Variants in NCKAP1L observed in about 807,000 individuals in gnomAD.
NCKAP1L encodes nck-associated protein 1-like.
Under a neutral mutation model 139.2 loss-of-function variants are expected in NCKAP1L, and 53 were observed. The ratio of observed to expected loss-of-function variants is 0.38; its 90% CI spans 0.31 to 0.48. The LOEUF is 0.48. Among genes scored for constraint, NCKAP1L ranks in the 20% least tolerant of loss-of-function variants. NCKAP1L has a pLI of 0.98. For missense variants in NCKAP1L, 1,151 were observed against 1,381.9 expected (o/e 0.83, Z 2.65); for synonymous variants, 468 against 499.7 (o/e 0.94, Z 0.85).
At position 54,516,930 on chromosome 12, in the gene NCKAP1L, C is replaced by T. The variant is rs756444750; in HGVS notation, c.1033C>T (p.Arg345Trp). The T allele has an allele frequency of 5.6e-6, 9 of 1,611,996 alleles. No homozygotes were observed. The highest frequency in any genetic ancestry group is 2.2e-5 in the East Asian group (1 of 44,742). The change falls in exon 11 of 31, where the codon CGG becomes TGG. Residue 345 changes from arginine to tryptophan, a missense_variant. Transcript: ENST00000293373. The stretch of plus-strand genomic sequence containing the variant: ...TCATTGTCAACGGCGGCAATTTCTG[C>T]GGATGGCAGTGAAGGAGCTGGAGAC... The part of the protein sequence containing the change: ...QFHCQRRQFL[R>W]MAVKELETVL...
At chr12:54,509,589 T>A in intron 5 of NCKAP1L, 80 bp from the exon 6 acceptor site, 1 of 977,498 alleles carries the variant, frequency 1.0e-6, no homozygotes, top group Non-Finnish European at 1.6e-6. Context: ...TATGCACATA[T>A]CTTTATCCTA....
At chr12:54,518,617 G>C in intron 13 of NCKAP1L, 34 bp from the exon 14 acceptor site, 1 of 1,553,462 alleles carries the variant, frequency 6.4e-7, no homozygotes, top group Non-Finnish European at 8.9e-7. Context: ...GGGAACCTGT[G>C]CCCACTTGAC....
intron 9 of NCKAP1L, among the ~76,000 whole-genome samples, chr12:54,514,390 T>C (rs1956913998): frequency 6.6e-6 from 1 of 152,082 alleles, no homozygotes; most frequent in South Asian, 2.1e-4. Flanking sequence ...GGTGCCATCT[T>C]GGTTCACTGT....
chr12:54,508,108 G>A (rs1956857669), intron 4 of NCKAP1L, among the ~76,000 whole-genome samples, 199 bp downstream of exon 4: 1 of 152,142 alleles, frequency 6.6e-6, no homozygotes, highest in Non-Finnish European at 1.5e-5. Context: ...AAGCAGATCA[G>A]CAATGTGATT....
At chr12:54,538,645 C>T (rs571530532) in intron 29 of NCKAP1L, among the ~76,000 whole-genome samples, 17 of 152,298 alleles carry the variant, frequency 1.1e-4, no homozygotes, top group African/African-American at 4.1e-4. Flanking sequence ...CTTGCAATCT[C>T]TCCCCTAGCA....
chr12:54,517,910 A>T lies in NCKAP1L; in HGVS notation c.1310A>T (p.Asp437Val), dbSNP rs1176369510. Residue 437 changes from aspartate (D) to valine (V), a missense_variant, in exon 13 of 31, where the codon GAT (aspartate) becomes GTT (valine). Transcript: ENST00000293373. Reference protein sequence around the residue: ...QYHLQYLARFDALVLSDIIQN... With the variant: ...QYHLQYLARFVALVLSDIIQN... ...CACCTTCAGTACTTGGCAAGATTTG[A>T]TGCTCTTGTGCTCAGTGACATCATT... The T allele has an allele frequency of 6.2e-7, 1 of 1,614,048 alleles. No homozygotes were observed. The highest frequency in any genetic ancestry group is 8.5e-7 in the Non-Finnish European group (1 of 1,180,038).
Position 54,543,031 on chromosome 12 carries a change from A to G in NCKAP1L, c.*346A>G, listed in dbSNP as rs1261134226. The G allele has an allele frequency of 9.3e-6, 2 of 214,494 alleles. No individual in the cohort carries two copies. Among genetic ancestry groups the G allele is most frequent in the Non-Finnish European group, 1.9e-5 (2 of 107,188 alleles). 13.3% of individuals were successfully genotyped at this position (214,494 alleles called of 1,614,324 possible). A position where few individuals can be genotyped will look rare whatever the true frequency, so the allele number is the denominator to read the frequency against. ...ACAGGCATGGGCCTCTCCGACCTTC[A>G]TCACTATTCTTAGGATAATGCTGGC... is the stretch of plus-strand genomic sequence containing the variant. On this transcript the variant is annotated 3_prime_UTR_variant, in exon 31 of 31. Coordinates refer to ENST00000293373, the MANE Select transcript of NCKAP1L (RefSeq NM_005337.5).
At chr12:54,521,363 C>T (rs576924712) in intron 18 of NCKAP1L, 125 bp downstream of exon 18, 44 of 1,310,742 alleles carry the variant, frequency 3.4e-5, no homozygotes, top group South Asian at 5.6e-5. Context: ...AGGGCTAGGG[C>T]CTTTCTGTAC....
Position 54,509,999 on chromosome 12 carries a change from T to G in NCKAP1L, c.735+14T>G, listed in dbSNP as rs1956874764. 1 of 1,613,698 alleles carries G rather than the reference T, an allele frequency of 6.2e-7. No homozygotes were observed. The highest frequency in any genetic ancestry group is 1.3e-5 in the African/African-American group (1 of 75,032). ...AATTCAGATACAGTGAGTGCCCTTT[T>G]CCTTTTGTTAGTGGAAGCATTCTCT... is the stretch of plus-strand genomic sequence containing the variant. On this transcript the variant is annotated intron_variant, in intron 7 of 30. Coordinates refer to ENST00000293373, the MANE Select transcript of NCKAP1L (RefSeq NM_005337.5).
At chr12:54,528,684 G>A (rs1383644076) in intron 22 of NCKAP1L, among the ~76,000 whole-genome samples, 4 of 151,262 alleles carry the variant, frequency 2.6e-5, no homozygotes, top group Admixed American at 1.3e-4. Flanking sequence ...GGAGTGCAGC[G>A]GCACTATCTT....
chr12:54,537,412 A>G (rs980672205), intron 29 of NCKAP1L, among the ~76,000 whole-genome samples: 1 of 152,216 alleles, frequency 6.6e-6, no homozygotes, highest in Non-Finnish European at 1.5e-5. Context: ...CCATGAATTC[A>G]GATTAAACCG....
At chr12:54,533,205 C>A (rs1368813744) in intron 26 of NCKAP1L, among the ~76,000 whole-genome samples, 1 of 152,126 alleles carries the variant, frequency 6.6e-6, no homozygotes, top group African/African-American at 2.4e-5. Flanking sequence ...TGATGTTGGT[C>A]CAAATGCTCT....
At chr12:54,531,891 A>G in intron 25 of NCKAP1L, 66 bp downstream of exon 25, 1 of 1,328,206 alleles carries the variant, frequency 7.5e-7, no homozygotes, top group Non-Finnish European at 1.1e-6. Context: ...TTTGTATGAT[A>G]ATTTGTGGAA....
intron 17 of NCKAP1L, 23 bp downstream of exon 17, chr12:54,520,849 C>G: frequency 3.1e-6 from 5 of 1,613,768 alleles, no homozygotes; most frequent in Non-Finnish European, 4.2e-6. Context: ...ATCTCCAGAC[C>G]CTGTCATCTT....
At position 54,497,848 on chromosome 12, in the gene NCKAP1L, A is replaced by G. The variant is rs777921025; in HGVS notation, c.59A>G (p.Asp20Gly). The G allele has an allele frequency of 1.9e-6, 3 of 1,613,616 alleles. No homozygotes were observed. The highest frequency in any genetic ancestry group is 3.3e-5 in the Admixed American group (2 of 60,010). ...GCAGAGAAGCTCACTATCCTGAATG[A>G]TCGCGGTCAGGGGGTTCTCATCCGT... ...KLAEKLTILN[D>G]RGQGVLIRMY... is the part of the protein sequence containing the mutation. The change falls in exon 1 of 31, where the codon GAT (aspartate) becomes GGT (glycine). Residue 20 changes from aspartate (D) to glycine (G), a missense_variant. Transcript: ENST00000293373.
At chr12:54,520,226 A>G (rs1956970618) in intron 16 of NCKAP1L, among the ~76,000 whole-genome samples, 2 of 152,246 alleles carry the variant, frequency 1.3e-5, no homozygotes, top group South Asian at 2.1e-4. Flanking sequence ...AAGAAAGTGT[A>G]AAAGAGTACA....
intron 28 of NCKAP1L, 114 bp from the exon 29 acceptor site, chr12:54,536,830 A>G (rs1360703767): frequency 1.5e-6 from 1 of 667,390 alleles, no homozygotes; most frequent in East Asian, 2.7e-5. Flanking sequence ...TTTTGGTGTC[A>G]AATACTGGTG....
At chr12:54,517,059 C>G in intron 11 of NCKAP1L, 67 bp downstream of exon 11, 1 of 1,360,158 alleles carries the variant, frequency 7.4e-7, no homozygotes, top group Non-Finnish European at 1.0e-6. Flanking sequence ...CTACGTGGCA[C>G]TCACGAGATT....
At chr12:54,523,802 T>C in intron 19 of NCKAP1L, 23 bp from the exon 20 acceptor site, 4 of 1,607,832 alleles carry the variant, frequency 2.5e-6, no homozygotes, top group Non-Finnish European at 3.4e-6. Context: ...AGACCTGTAA[T>C]CCAGGCTCAT....
Sources: gnomAD v4.1 joint callset for allele counts (sites outside exome capture counted in the v4.1 genomes callset) on GRCh38, gnomAD v4.1.1 for gene constraint, MANE v1.5 for transcripts, NCBI Gene and HGNC (gene_info 2026-07-23, HGNC 2026-07-21) for gene names.